TARS3: variants seen among roughly 807,000 people sequenced by gnomAD.
The protein encoded by TARS3 is threonine--tRNA ligase 2, cytoplasmic.
TARS3 carries 94 observed loss-of-function variants against 103.5 expected under a neutral mutation model. The observed-to-expected ratio is 0.91, with a 90% CI of 0.77 to 1.08. The LOEUF is 1.08. TARS3 is among the 50% of genes least tolerant of loss of function. The pLI, the probability that TARS3 is intolerant of heterozygous loss-of-function variation, is 0.00. For missense variants in TARS3, 952 were observed against 995.2 expected (o/e 0.96, Z 0.58); for synonymous variants, 416 against 355.4 (o/e 1.17, Z -1.92).
chr15:101,712,184 C>T (rs779369506), intron 4 of TARS3, among the ~76,000 whole-genome samples, 183 bp from the exon 5 acceptor site: 2 of 152,204 alleles, frequency 1.3e-5, no homozygotes, highest in African/African-American at 4.8e-5. Flanking sequence ...TGAGCCCTCC[C>T]TGACATTCCA....
Position 101,708,271 on chromosome 15 carries a change from A to C in TARS3, c.930+522T>G, listed in dbSNP as rs1160402064. The stretch of plus-strand genomic sequence containing the variant: ...AGACTCTGTCTGAAAAAAAAAAAAA[A>C]AAAAAAAAAAAAAACCCAAAAAATA... On this transcript the variant is annotated intron_variant, in intron 6 of 18. Coordinates refer to ENST00000335968, the MANE Select transcript of TARS3 (RefSeq NM_152334.3). 2.0e-4 allele frequency among the ~76,000 whole-genome samples: 30 copies of C among 151,050 alleles called. No homozygotes were observed. In the East Asian group the frequency reaches 5.4e-3, roughly 27 times the overall value.
At position 101,653,653 on chromosome 15, in the gene TARS3, TTAAC is replaced by T. The variant is rs1393387722; in HGVS notation, c.*925_*928del. ...TTCACTGTTCACATCCCTCAGGAAG[TTAAC>T]TAAATGATCAGTATATTGAAAAGAG... is the stretch of plus-strand genomic sequence containing the variant. On this transcript the variant is annotated 3_prime_UTR_variant, in exon 19 of 19. Transcript: ENST00000335968. The T allele has an allele frequency of 2.0e-5, 3 of 152,290 alleles. No homozygotes were observed. The highest frequency in any genetic ancestry group is 6.5e-5 in the Admixed American group (1 of 15,292). 9.4% of individuals were successfully genotyped at this position (152,290 alleles called of 1,614,324 possible). A position where few individuals can be genotyped will look rare whatever the true frequency, so the allele number is the denominator to read the frequency against.
intron 10 of TARS3, among the ~76,000 whole-genome samples, chr15:101,696,197 C>A (rs948572458): frequency 1.9e-5 from 2 of 104,942 alleles, no homozygotes; most frequent in East Asian, 3.1e-4. Flanking sequence ...GGCAACAGAG[C>A]GAGACTTTGT....
At chr15:101,686,523 T>C (rs1898482452) in intron 10 of TARS3, among the ~76,000 whole-genome samples, 1 of 152,184 alleles carries the variant, frequency 6.6e-6, no homozygotes, top group South Asian at 2.1e-4. Context: ...GTTGAAATTA[T>C]TAAGTCATGA....
chr15:101,663,072 A>G (rs966094952), intron 15 of TARS3, among the ~76,000 whole-genome samples: 12 of 152,244 alleles, frequency 7.9e-5, no homozygotes, highest in Non-Finnish European at 1.2e-4. Flanking sequence ...GTCTTGGAGA[A>G]AAACTTATAG....
At chr15:101,657,458 A>T (rs557141652) in intron 17 of TARS3, among the ~76,000 whole-genome samples, 15 of 152,372 alleles carry the variant, frequency 9.8e-5, no homozygotes, top group Admixed American at 7.8e-4. Context: ...GAACTGTGAG[A>T]TCATCAATGT....
At chr15:101,671,057 A>AAC (rs66771228) in intron 15 of TARS3, among the ~76,000 whole-genome samples, 15,045 of 150,590 alleles carry the variant, frequency 0.1, 803 homozygotes, top group South Asian at 0.18. Flanking sequence ...CTGTACACAC[A>AAC]ACACACACAC....
intron 13 of TARS3, 42 bp from the exon 14 acceptor site, chr15:101,671,790 CTTTT>C (rs139057031): frequency 4.4e-6 from 6 of 1,349,234 alleles, no homozygotes; most frequent in Non-Finnish European, 5.1e-6. Flanking sequence ...TACACTGTAT[CTTTT>C]TTTTTTACAT....
intron 10 of TARS3, among the ~76,000 whole-genome samples, chr15:101,690,403 T>G (rs975233834): frequency 6.6e-6 from 1 of 152,240 alleles, no homozygotes; most frequent in Admixed American, 6.5e-5. Flanking sequence ...AAAGAAAACC[T>G]GAACATTTTC....
chr15:101,720,219 G>C (rs1372550884), intron 3 of TARS3, among the ~76,000 whole-genome samples: 1 of 152,132 alleles, frequency 6.6e-6, no homozygotes, highest in East Asian at 1.9e-4. Flanking sequence ...TGTTGAAACA[G>C]TTTGCTTTTT....
intron 6 of TARS3, 45 bp from the exon 7 acceptor site, chr15:101,705,792 A>T: frequency 6.9e-7 from 1 of 1,454,430 alleles, no homozygotes. Context: ...ACAATGTTGA[A>T]ATGAAGAAAA....
intron 10 of TARS3, among the ~76,000 whole-genome samples, chr15:101,697,372 A>T (rs1265168729): frequency 1.3e-5 from 2 of 152,198 alleles, no homozygotes; most frequent in Non-Finnish European, 2.9e-5. Context: ...CTGTCACCAG[A>T]AGTAACATGG....
At chr15:101,721,963 A>G (rs1900487763) in intron 2 of TARS3, among the ~76,000 whole-genome samples, 2 of 152,356 alleles carry the variant, frequency 1.3e-5, no homozygotes, top group South Asian at 4.1e-4. Context: ...ATTTTGCCCA[A>G]CTGTAAGCTA....
intron 3 of TARS3, among the ~76,000 whole-genome samples, chr15:101,718,933 T>A (rs1900306939): frequency 6.6e-6 from 1 of 152,158 alleles, no homozygotes; most frequent in South Asian, 2.1e-4. Context: ...AGGCCCCAAA[T>A]GTGCACCACA....
intron 10 of TARS3, among the ~76,000 whole-genome samples, chr15:101,691,823 C>CA (rs1898738983): frequency 6.8e-6 from 1 of 146,600 alleles, no homozygotes; most frequent in South Asian, 2.2e-4. Context: ...TATATCCCCC[C>CA]ATTTCTTCCC....
chr15:101,674,728 C>A (rs1001643956), intron 13 of TARS3, among the ~76,000 whole-genome samples: 4 of 151,802 alleles, frequency 2.6e-5, no homozygotes, highest in African/African-American at 9.7e-5. Context: ...TGGCGTGAAC[C>A]CGGGAGGTGG....
intron 12 of TARS3, among the ~76,000 whole-genome samples, chr15:101,676,948 T>G (rs1463732087): frequency 6.6e-6 from 1 of 152,184 alleles, no homozygotes; most frequent in African/African-American, 2.4e-5. Context: ...TTTATCCTGA[T>G]GCTCTCCCTC....
chr15:101,674,347 A>G (rs1897935829), intron 13 of TARS3, among the ~76,000 whole-genome samples: 1 of 152,216 alleles, frequency 6.6e-6, no homozygotes, highest in Non-Finnish European at 1.5e-5. Flanking sequence ...GGTGAAAGTT[A>G]TCCATTTAAC....
At chr15:101,674,982 A>G (rs572451688) in intron 13 of TARS3, among the ~76,000 whole-genome samples, 7 of 152,086 alleles carry the variant, frequency 4.6e-5, no homozygotes, top group Non-Finnish European at 1.0e-4. Flanking sequence ...CAAGAAGAGG[A>G]GAACTAACAG....
Sources: gnomAD v4.1 joint callset for allele counts (sites outside exome capture counted in the v4.1 genomes callset) on GRCh38, gnomAD v4.1.1 for gene constraint, MANE v1.5 for transcripts, NCBI Gene and HGNC (gene_info 2026-07-23, HGNC 2026-07-21) for gene names.